Variants in CCSER1 observed in about 807,000 individuals in gnomAD.
The protein encoded by CCSER1 is serine-rich coiled-coil domain-containing protein 1.
A neutral mutation model predicts 82.0 loss-of-function variants in CCSER1; 41 were observed. The ratio of observed to expected loss-of-function variants is 0.50; its 90% confidence interval spans 0.39 to 0.65. The LOEUF is 0.65. CCSER1 is among the 30% of genes least tolerant of loss of function. The pLI is 0.00. For synonymous variants in CCSER1, 414 were observed against 383.9 expected (o/e 1.08, Z -0.92); for missense variants, 1,119 against 1,064.2 (o/e 1.05, Z -0.72).
chr4:90,716,019 T>C (rs1287338475), intron 6 of CCSER1, among the ~76,000 whole-genome samples: 2 of 151,512 alleles, frequency 1.3e-5, no homozygotes, highest in Non-Finnish European at 2.9e-5. Flanking sequence ...GGGAACCCAT[T>C]ATACATAAAT....
Position 90,149,728 on chromosome 4 carries a change from G to A in CCSER1, c.-42+21897G>A, listed in dbSNP as rs182253437. Among the ~76,000 whole-genome samples the A allele has an allele frequency of 3.9e-3, 600 of 152,110 alleles. 5 individuals carry two copies. The highest frequency in any genetic ancestry group is 0.014 in the African/African-American group (580 of 41,528). Reference sequence around the variant, plus strand: ...AAAATCAGAAACAGACTTGTTCTTAGCTGAAAATTTTATTATTATAAACTT... The same window carrying A: ...AAAATCAGAAACAGACTTGTTCTTAACTGAAAATTTTATTATTATAAACTT... On this transcript the variant is annotated intron_variant, in intron 1 of 10. Transcript: ENST00000509176.
At chr4:91,345,605 C>A (rs542144735) in intron 10 of CCSER1, among the ~76,000 whole-genome samples, 1 of 152,230 alleles carries the variant, frequency 6.6e-6, no homozygotes, top group South Asian at 2.1e-4. Flanking sequence ...CCATGCCCCA[C>A]TGTTTCCCTG....
At position 90,794,989 on chromosome 4, in the gene CCSER1, A is replaced by G. The variant is rs1204731881; in HGVS notation, c.2011-20773A>G. ...CTCAGCTTGACTTTTATTGGTGTAT[A>G]GAAATGTTACTGATTTCTGGCTGGG... On this transcript the variant is annotated intron_variant, in intron 7 of 10. Transcript: ENST00000509176. Among the ~76,000 whole-genome samples the G allele has an allele frequency of 5.3e-5, 8 of 152,042 alleles. No homozygotes were observed. In the South Asian group the frequency reaches 1.2e-3, roughly 24 times the overall value.
intron 9 of CCSER1, among the ~76,000 whole-genome samples, chr4:90,955,811 A>G (rs901382739): frequency 1.3e-5 from 2 of 152,092 alleles, no homozygotes; most frequent in African/African-American, 4.8e-5. Context: ...TCTCCGTCTT[A>G]CCACCATTCT....
chr4:91,263,919 C>G (rs1012524949), intron 10 of CCSER1, among the ~76,000 whole-genome samples: 1 of 151,710 alleles, frequency 6.6e-6, no homozygotes, highest in Non-Finnish European at 1.5e-5. Context: ...TGTGGTTTGT[C>G]AAAATAAAAA....
chr4:90,203,000 G>C (rs946316897), intron 1 of CCSER1, among the ~76,000 whole-genome samples: 3 of 152,162 alleles, frequency 2.0e-5, no homozygotes, highest in African/African-American at 7.2e-5. Context: ...TTCAAAAAAT[G>C]ATAGTAAACT....
At chr4:91,006,904 C>T (rs1419848999) in intron 9 of CCSER1, among the ~76,000 whole-genome samples, 1 of 152,082 alleles carries the variant, frequency 6.6e-6, no homozygotes, top group African/African-American at 2.4e-5. Flanking sequence ...TATTATGTCA[C>T]CTGTGGATTT....
chr4:91,176,464 C>T (rs1581711993), intron 10 of CCSER1, among the ~76,000 whole-genome samples: 1 of 151,958 alleles, frequency 6.6e-6, no homozygotes, highest in Admixed American at 6.6e-5. Flanking sequence ...AATTATGTAA[C>T]ATTCTTCCAT....
chr4:90,434,815 G>C (rs1243691234), intron 4 of CCSER1, among the ~76,000 whole-genome samples: 9 of 152,154 alleles, frequency 5.9e-5, no homozygotes, highest in African/African-American at 2.2e-4. Context: ...GACAGACTAT[G>C]ATCAAACTTG....
chr4:90,194,287 G>A (rs1371261130), intron 1 of CCSER1, among the ~76,000 whole-genome samples: 2 of 152,144 alleles, frequency 1.3e-5, no homozygotes, highest in Admixed American at 6.6e-5. Context: ...ATGCCATACA[G>A]CTGTTATGAA....
At chr4:90,399,680 C>T (rs185939288) in intron 3 of CCSER1, among the ~76,000 whole-genome samples, 1 of 151,966 alleles carries the variant, frequency 6.6e-6, no homozygotes, top group Admixed American at 6.5e-5. Flanking sequence ...AGTTTTTATT[C>T]AAATAAACAC....
At chr4:91,567,781 T>G (rs1762962373) in intron 10 of CCSER1, among the ~76,000 whole-genome samples, 1 of 152,090 alleles carries the variant, frequency 6.6e-6, no homozygotes, top group Non-Finnish European at 1.5e-5. Flanking sequence ...ATGGGACTCT[T>G]GAAGACAGCT....
chr4:90,551,695 T>G (rs1357458376), intron 5 of CCSER1, among the ~76,000 whole-genome samples: 2 of 120,338 alleles, frequency 1.7e-5, no homozygotes, highest in East Asian at 2.4e-4. Context: ...TCTCTCTCTC[T>G]CTCTCTCTCT....
intron 6 of CCSER1, among the ~76,000 whole-genome samples, chr4:90,685,844 T>G (rs1470461778): frequency 6.6e-6 from 1 of 152,192 alleles, no homozygotes; most frequent in Non-Finnish European, 1.5e-5. Flanking sequence ...GTCAACTAAA[T>G]CCCTTATTCT....
intron 6 of CCSER1, among the ~76,000 whole-genome samples, chr4:90,661,436 G>T (rs923656923): frequency 1.3e-5 from 2 of 152,116 alleles, no homozygotes; most frequent in South Asian, 4.1e-4. Context: ...TTATATATAT[G>T]CTACTAGAAA....
intron 5 of CCSER1, among the ~76,000 whole-genome samples, chr4:90,586,966 G>A (rs1782090429): frequency 1.3e-5 from 2 of 152,128 alleles, no homozygotes; most frequent in South Asian, 2.1e-4. Context: ...TGATTATCCC[G>A]GATTACCTTC....
chr4:90,247,884 G>A (rs1424722928), intron 1 of CCSER1, among the ~76,000 whole-genome samples: 2 of 151,618 alleles, frequency 1.3e-5, no homozygotes, highest in African/African-American at 4.8e-5. Context: ...TTTTTGATCT[G>A]ATCTTTAGAA....
At position 90,531,617 on chromosome 4, in the gene CCSER1, C is replaced by T. The variant is rs1278903753; in HGVS notation, c.1724+63263C>T. ...GGTAATTACATGCTTGAATCATATT[C>T]GGAGTCAGGATAGTCAGGACACACT... On this transcript the variant is annotated intron_variant, in intron 5 of 10. Transcript: ENST00000509176. Among the ~76,000 whole-genome samples the T allele has an allele frequency of 3.3e-5, 5 of 152,124 alleles. No homozygotes were observed. The East Asian group carries it at 9.7e-4, about 29-fold the overall frequency.
intron 10 of CCSER1, among the ~76,000 whole-genome samples, chr4:91,265,998 A>G (rs138865477): frequency 1.3e-5 from 2 of 152,228 alleles, no homozygotes; most frequent in East Asian, 3.9e-4. Context: ...AAGAGAAAGT[A>G]GAAGCCCCTT....
Sources: gnomAD v4.1 joint callset for allele counts (sites outside exome capture counted in the v4.1 genomes callset) on GRCh38, gnomAD v4.1.1 for gene constraint, MANE v1.5 for transcripts, NCBI Gene and HGNC (gene_info 2026-07-23, HGNC 2026-07-21) for gene names.